C9orf153: variants seen among roughly 807,000 people sequenced by gnomAD.
C9orf153 encodes uncharacterized protein C9orf153.
A neutral mutation model predicts 9.0 loss-of-function variants in C9orf153; 10 were observed. That is an observed-to-expected ratio of 1.11 (90% CI 0.69 to 1.89). The LOEUF is 1.89. Among genes scored for constraint, C9orf153 ranks in the 40% most tolerant of loss-of-function variants. The pLI is 0.00. For missense variants in C9orf153, 108 were observed against 111.0 expected, an observed-to-expected ratio of 0.97 and a Z score of 0.12; for synonymous variants, 35 against 37.3, an observed-to-expected ratio of 0.94 and a Z score of 0.23.
intron 1 of C9orf153, among the ~76,000 whole-genome samples, chr9:86,255,085 A>G (rs1254096010): frequency 1.3e-5 from 2 of 151,674 alleles, no homozygotes; most frequent in East Asian, 1.9e-4. Flanking sequence ...AAGAGAGAGA[A>G]AAAGAAATGA....
chr9:86,230,058 C>T (rs150341953), intron 1 of C9orf153, among the ~76,000 whole-genome samples: 3,566 of 152,196 alleles, frequency 0.023, 129 homozygotes, highest in African/African-American at 0.079. Context: ...CCAGTCACCT[C>T]CCACCAGGCC....
chr9:86,230,242 G>C (rs147272165), intron 1 of C9orf153, among the ~76,000 whole-genome samples: 4 of 152,324 alleles, frequency 2.6e-5, no homozygotes, highest in Non-Finnish European at 5.9e-5. Flanking sequence ...TCTACAACAT[G>C]TGTATTTAGT....
At chr9:86,232,056 C>T (rs1416849979) in intron 1 of C9orf153, among the ~76,000 whole-genome samples, 1 of 152,166 alleles carries the variant, frequency 6.6e-6, no homozygotes, top group Admixed American at 6.5e-5. Context: ...CAATTTTAAT[C>T]AGCAGTGCCA....
At chr9:86,237,451 T>A (rs374778117) in intron 1 of C9orf153, among the ~76,000 whole-genome samples, 3 of 84,490 alleles carry the variant, frequency 3.6e-5, no homozygotes, top group African/African-American at 1.1e-4. Context: ...AGACACACAC[T>A]GTTATTTACT....
At chr9:86,237,231 A>G (rs1824616694) in intron 1 of C9orf153, among the ~76,000 whole-genome samples, 1 of 152,218 alleles carries the variant, frequency 6.6e-6, no homozygotes, top group Non-Finnish European at 1.5e-5. Flanking sequence ...AAAATGGCCT[A>G]TTAAAACTAC....
intron 3 of C9orf153, among the ~76,000 whole-genome samples, chr9:86,225,470 C>CT (rs1824307600): frequency 7.0e-6 from 1 of 143,674 alleles, no homozygotes. Flanking sequence ...TTCTTTCTTT[C>CT]TTTTTTGAGA....
Position 86,229,518 on chromosome 9 carries a change from G to T in C9orf153, c.66+20C>A. 6.4e-7 allele frequency: 1 copy of T among 1,555,114 alleles called. No homozygotes were observed. The highest frequency in any genetic ancestry group is 1.1e-5 in the South Asian group (1 of 89,228). On this transcript the variant is annotated intron_variant, in intron 2 of 3. Coordinates refer to ENST00000339137, the MANE Select transcript of C9orf153 (RefSeq NM_001276366.4). Reference sequence around the variant, plus strand: ...TAAAGCTCCCTGTGTACACCTCGTTGTACAATGTTAAGTACATACTGAACA... The same window carrying T: ...TAAAGCTCCCTGTGTACACCTCGTTTTACAATGTTAAGTACATACTGAACA...
At chr9:86,254,546 A>C (rs910803675) in intron 1 of C9orf153, among the ~76,000 whole-genome samples, 1 of 152,330 alleles carries the variant, frequency 6.6e-6, no homozygotes, top group East Asian at 1.9e-4. Flanking sequence ...AAAATCTGTC[A>C]GATTGCTACT....
intron 1 of C9orf153, among the ~76,000 whole-genome samples, chr9:86,246,375 A>T (rs1436123347): frequency 6.6e-6 from 1 of 152,140 alleles, no homozygotes; most frequent in Non-Finnish European, 1.5e-5. Flanking sequence ...TCTGCAGTGC[A>T]GCCATTGTAC....
intron 1 of C9orf153, among the ~76,000 whole-genome samples, chr9:86,257,635 G>C (rs1175101278): frequency 6.6e-6 from 1 of 152,208 alleles, no homozygotes; most frequent in Non-Finnish European, 1.5e-5. Flanking sequence ...AGCTGGCACA[G>C]AGTAGGCACT....
At position 86,221,791 on chromosome 9, in the gene C9orf153, C is replaced by T. The variant is rs543325692; in HGVS notation, c.243-58G>A. On this transcript the variant is annotated intron_variant, in intron 3 of 3. Transcript: ENST00000339137. The stretch of plus-strand genomic sequence containing the variant: ...GGTGTTGTTACTCAGCCTTTCATTA[C>T]TCAGAGATGCTTCATGGACAGGGTA... 8.5e-6 allele frequency: 10 copies of T among 1,177,970 alleles called. No individual in the cohort carries two copies. In the South Asian group the frequency reaches 9.3e-5, roughly 11 times the overall value. The allele number at this position is 1,177,970 out of a possible 1,614,324, so 73.0% of individuals were successfully genotyped here. A position where few individuals can be genotyped will look rare whatever the true frequency, so the allele number is the denominator to read the frequency against.
In C9orf153 at chr9:86,239,385, T is replaced by A. The variant is rs140564659; in HGVS notation, c.-26-9756A>T. Among the ~76,000 whole-genome samples, 261 of 152,328 alleles carry A rather than the reference T, an allele frequency of 1.7e-3. 2 individuals are homozygous for A. The highest frequency in any genetic ancestry group is 5.4e-3 in the African/African-American group (226 of 41,556). On this transcript the variant is annotated intron_variant, in intron 1 of 3. Coordinates refer to ENST00000339137, the MANE Select transcript of C9orf153 (RefSeq NM_001276366.4). ...ACTTTTATGTATTTTACAATGAAGA[T>A]TTATTACTTTTGCAATTAAAAAAGA...
intron 3 of C9orf153, among the ~76,000 whole-genome samples, chr9:86,222,684 C>T (rs1254421099): frequency 6.6e-6 from 1 of 152,090 alleles, no homozygotes; most frequent in East Asian, 1.9e-4. Flanking sequence ...CTTTTCATGG[C>T]TAAATAACGC....
intron 1 of C9orf153, among the ~76,000 whole-genome samples, chr9:86,230,245 T>C (rs976510199): frequency 6.6e-6 from 1 of 152,280 alleles, no homozygotes; most frequent in Non-Finnish European, 1.5e-5. Context: ...ACAACATGTG[T>C]ATTTAGTTTT....
intron 1 of C9orf153, among the ~76,000 whole-genome samples, chr9:86,236,491 G>A (rs1824591857): frequency 6.7e-6 from 1 of 149,400 alleles, no homozygotes; most frequent in South Asian, 2.2e-4. Context: ...AGAGGTTGCA[G>A]TGAGCCGATA....
At chr9:86,223,255 G>A (rs971634362) in intron 3 of C9orf153, among the ~76,000 whole-genome samples, 8 of 152,000 alleles carry the variant, frequency 5.3e-5, no homozygotes, top group African/African-American at 9.7e-5. Context: ...CACCTACCTC[G>A]GCCTCCCAAA....
intron 1 of C9orf153, among the ~76,000 whole-genome samples, chr9:86,257,129 T>C (rs1564005620): frequency 6.6e-6 from 1 of 152,216 alleles, no homozygotes; most frequent in Non-Finnish European, 1.5e-5. Context: ...GGAGCATATA[T>C]TCTGGGCAAC....
intron 2 of C9orf153, chr9:86,228,957 C>A: frequency 3.6e-6 from 1 of 274,270 alleles, no homozygotes. Flanking sequence ...TATATGGATG[C>A]ATTCTCAGTT....
rs1212240987 is a variant in C9orf153 at position 86,227,893 on chromosome 9, C to G, written c.204G>C (p.Arg68Ser). 1 of 1,613,382 alleles carries G rather than the reference C, an allele frequency of 6.2e-7. No homozygotes were observed. Among genetic ancestry groups the G allele is most frequent in the East Asian group, 2.2e-5 (1 of 44,838 alleles). The change falls in exon 3 of 4, where the codon AGG becomes AGC. Residue 68 changes from arginine (R) to serine (S), a missense_variant. Coordinates refer to ENST00000339137, the MANE Select transcript of C9orf153 (RefSeq NM_001276366.4). ...GGAGATCTCCTCTCACATCAGCGCC[C>G]CTGGTGAATGACATGACATTCAGGT... Reference protein sequence around the residue: ...ARNLNVMSFTRGADVRGDLQP... With the variant: ...ARNLNVMSFTSGADVRGDLQP...
Sources: allele counts gnomAD v4.1 joint callset (sites outside exome capture counted in the v4.1 genomes callset), GRCh38; gene constraint gnomAD v4.1.1; transcripts MANE v1.5; gene names NCBI Gene and HGNC (gene_info 2026-07-23, HGNC 2026-07-21).